MARCHF1: variants seen among roughly 807,000 people sequenced by gnomAD.
MARCHF1 encodes the protein membrane associated ring-CH-type finger 1.
Under a neutral mutation model 54.2 loss-of-function variants are expected in MARCHF1, and 40 were observed. That is an observed-to-expected ratio of 0.74 (90% CI 0.57 to 0.96). MARCHF1 has a LOEUF of 0.96. Among genes scored for constraint, MARCHF1 ranks in the 40% least tolerant of loss-of-function variants. The pLI is 0.00. For missense variants in MARCHF1, 586 were observed against 656.5 expected (o/e 0.89, Z 1.17); for synonymous variants, 236 against 236.3 (o/e 1.00, Z 0.01).
intron 2 of MARCHF1, among the ~76,000 whole-genome samples, chr4:164,062,141 C>A (rs1754631865): frequency 6.6e-6 from 1 of 152,224 alleles, no homozygotes. Flanking sequence ...TAGATTCCAT[C>A]TCAGAGAATC....
At chr4:164,332,771 T>C (rs1410856348) in intron 1 of MARCHF1, among the ~76,000 whole-genome samples, 3 of 152,096 alleles carry the variant, frequency 2.0e-5, no homozygotes, top group Admixed American at 2.0e-4. Context: ...AACATAAGAT[T>C]ATAATTGTGG....
Position 163,528,974 on chromosome 4 carries a change from A to C in MARCHF1, c.1412T>G (p.Met471Arg). 1 of 1,613,108 alleles carries C rather than the reference A, an allele frequency of 6.2e-7. No individual in the cohort carries two copies. The highest frequency in any genetic ancestry group is 8.5e-7 in the Non-Finnish European group (1 of 1,179,434). Reference sequence around the variant, plus strand: ...AACATAGACTTTACACTGTACGTACATGAAGACAAGACCTCCTGTGAAGCC... The same window carrying C: ...AACATAGACTTTACACTGTACGTACCTGAAGACAAGACCTCCTGTGAAGCC... ...AIGFTGGLVF[M>R]YVQCKVYVQL... Residue 471 changes from methionine (M) to arginine (R), a missense_variant, in exon 10 of 10, where the codon ATG becomes AGG. Met to Arg is a moderately conservative substitution (Grantham distance 91). Transcript: ENST00000514618.
rs999861673 is a variant in MARCHF1, at chr4:164,042,501, A to T, written c.-247-53792T>A. ...ATGAGAACACACTCACTGTCATGAG[A>T]ATAGCATGGGAGAAATCCCCCTGTG... On this transcript the variant is annotated intron_variant, in intron 2 of 9. Coordinates refer to ENST00000514618, the MANE Select transcript of MARCHF1 (RefSeq NM_001394959.1). Among the ~76,000 whole-genome samples, 12 of 152,128 alleles carry T rather than the reference A, an allele frequency of 7.9e-5. 1 individual carries two copies. The highest frequency in any genetic ancestry group is 7.9e-4 in the Admixed American group (12 of 15,266).
rs539932727 is a variant in MARCHF1, at chr4:164,282,560, T to C, written c.-323+101310A>G. ...CACCGTCTTGCTTCACTTCCCATTA[T>C]AAACACTCCCTTACCACACACTCTC... On this transcript the variant is annotated intron_variant, in intron 1 of 9. Transcript: ENST00000514618. Among the ~76,000 whole-genome samples the C allele has an allele frequency of 9.3e-5, 14 of 151,206 alleles. No individual in the cohort carries two copies. The South Asian group carries it at 1.9e-3, about 20-fold the overall frequency.
chr4:163,731,428 T>C (rs924032719), intron 4 of MARCHF1, among the ~76,000 whole-genome samples: 4 of 152,204 alleles, frequency 2.6e-5, no homozygotes, highest in Non-Finnish European at 5.9e-5. Context: ...TGACAGATGA[T>C]AGACAAATAA....
intron 2 of MARCHF1, among the ~76,000 whole-genome samples, chr4:163,991,443 T>C (rs143860305): frequency 2.0e-5 from 3 of 152,156 alleles, no homozygotes; most frequent in Admixed American, 1.3e-4. Flanking sequence ...GCTTCCATAG[T>C]GCTCTGCCAA....
chr4:164,101,280 C>T (rs888291171), intron 2 of MARCHF1, among the ~76,000 whole-genome samples: 2 of 151,758 alleles, frequency 1.3e-5, no homozygotes, highest in African/African-American at 4.8e-5. Context: ...GGAGGCCTGC[C>T]TGCCTCTGTA....
intron 1 of MARCHF1, among the ~76,000 whole-genome samples, chr4:164,361,121 T>C (rs533999504): frequency 7.2e-5 from 11 of 151,912 alleles, no homozygotes; most frequent in Non-Finnish European, 1.6e-4. Flanking sequence ...GGTGAAACAC[T>C]TGGCTAAACA....
chr4:163,698,636 A>G (rs1046700547), intron 5 of MARCHF1, among the ~76,000 whole-genome samples: 1 of 152,138 alleles, frequency 6.6e-6, no homozygotes, highest in Non-Finnish European at 1.5e-5. Flanking sequence ...AAGAACTCAT[A>G]GAAGGGAAAC....
At position 164,242,287 on chromosome 4, in the gene MARCHF1, G is replaced by T. The variant is rs565291577; in HGVS notation, c.-322-130625C>A. Among the ~76,000 whole-genome samples, 33 of 143,246 alleles carry T rather than the reference G, an allele frequency of 2.3e-4. No individual in the cohort carries two copies. In the East Asian group the frequency reaches 4.1e-3, roughly 18 times the overall value. 94.0% of individuals were successfully genotyped at this position (143,246 alleles called of 152,430 possible). A position where few individuals can be genotyped will look rare whatever the true frequency, so the allele number is the denominator to read the frequency against. On this transcript the variant is annotated intron_variant, in intron 1 of 9. Coordinates refer to ENST00000514618, the MANE Select transcript of MARCHF1 (RefSeq NM_001394959.1). ...AGCACGCAGCTGGAGATCTGAGAAC[G>T]GGCAGACTGCCTCCTCAAGTGGGTC...
rs1205938956 is a variant in MARCHF1 at position 163,955,549 on chromosome 4, T to A, written c.-39+32952A>T. ...CTGTGACTGTGCTGTGCTTCTCATG[T>A]CTGTGCCCCTGCGTGTGTTTTTCCT... On this transcript the variant is annotated intron_variant, in intron 3 of 9. Transcript: ENST00000514618. 3.3e-5 allele frequency among the ~76,000 whole-genome samples: 5 copies of A among 152,052 alleles called. No homozygotes were observed. In the South Asian group the frequency reaches 8.3e-4, roughly 25 times the overall value.
chr4:163,764,441 T>C (rs1409314103), intron 4 of MARCHF1, among the ~76,000 whole-genome samples: 1 of 151,964 alleles, frequency 6.6e-6, no homozygotes, highest in Admixed American at 6.6e-5. Context: ...AGAGGAAAAA[T>C]GTGTAAGGTT....
At chr4:163,980,993 G>T (rs1752751246) in intron 3 of MARCHF1, among the ~76,000 whole-genome samples, 2 of 152,142 alleles carry the variant, frequency 1.3e-5, no homozygotes, top group Admixed American at 1.3e-4. Flanking sequence ...ACCTATTTAG[G>T]TTTACAGGTA....
chr4:163,907,984 A>G (rs887702538), intron 3 of MARCHF1, among the ~76,000 whole-genome samples: 3 of 152,110 alleles, frequency 2.0e-5, no homozygotes, highest in Non-Finnish European at 4.4e-5. Flanking sequence ...TCTCAACTCA[A>G]GTGGCTACAT....
At chr4:164,102,876 C>G (rs1348928053) in intron 2 of MARCHF1, among the ~76,000 whole-genome samples, 1 of 94,000 alleles carries the variant, frequency 1.1e-5, no homozygotes, top group Non-Finnish European at 2.2e-5. Flanking sequence ...ACCCATCTCA[C>G]GTGCGGAGAC....
In MARCHF1 at chr4:164,344,885, T is replaced by A. The variant is rs899079355; in HGVS notation, c.-323+38985A>T. ...GACTAAAGAAGTCCTTTGCTCTTTG[T>A]ATCTAAAAAGTCTTGTTCTTCATAA... On this transcript the variant is annotated intron_variant, in intron 1 of 9. Coordinates refer to ENST00000514618, the MANE Select transcript of MARCHF1 (RefSeq NM_001394959.1). Among the ~76,000 whole-genome samples the A allele has an allele frequency of 5.2e-4, 79 of 152,310 alleles. 1 individual carries two copies. Among genetic ancestry groups the A allele is most frequent in the African/African-American group, 1.8e-3 (74 of 41,578 alleles).
At chr4:164,092,426 T>C (rs1476855308) in intron 2 of MARCHF1, among the ~76,000 whole-genome samples, 1 of 151,876 alleles carries the variant, frequency 6.6e-6, no homozygotes, top group Non-Finnish European at 1.5e-5. Flanking sequence ...TGACAGAAGG[T>C]GGGGGAGCTG....
chr4:163,956,304 A>G lies in MARCHF1; in HGVS notation c.-39+32197T>C, dbSNP rs575676526. 1.5e-4 allele frequency among the ~76,000 whole-genome samples: 23 copies of G among 152,302 alleles called. 1 individual carries two copies. Among genetic ancestry groups the G allele is most frequent in the African/African-American group, 5.5e-4 (23 of 41,580 alleles). ...AATATTTACTGAAAATGTCTAACAT[A>G]TAGTAAGTGTTCAAAAATACTTCTT... On this transcript the variant is annotated intron_variant, in intron 3 of 9. Transcript: ENST00000514618.
intron 1 of MARCHF1, among the ~76,000 whole-genome samples, chr4:164,283,693 T>C (rs1734079718): frequency 6.6e-6 from 1 of 150,530 alleles, no homozygotes. Context: ...TTGTATACAA[T>C]AAGAAAATAG....
Sources: gnomAD v4.1 joint callset for allele counts (sites outside exome capture counted in the v4.1 genomes callset) on GRCh38, gnomAD v4.1.1 for gene constraint, MANE v1.5 for transcripts, NCBI Gene and HGNC (gene_info 2026-07-23, HGNC 2026-07-21) for gene names.